ARHGAP28: variants seen among roughly 807,000 people sequenced by gnomAD.
ARHGAP28 encodes the protein Rho GTPase activating protein 28.
In ARHGAP28, 56 loss-of-function variants were observed where a neutral mutation model predicts 90.7. The observed-to-expected ratio is 0.62, with a 90% confidence interval of 0.50 to 0.77. ARHGAP28 has a LOEUF of 0.77. Ranked by LOEUF, ARHGAP28 falls within the 30% of genes least tolerant of loss-of-function variation. ARHGAP28 has a pLI of 0.00. For missense variants in ARHGAP28, 869 were observed against 900.9 expected, an observed-to-expected ratio of 0.96 and a Z score of 0.45; for synonymous variants, 308 against 323.3, an observed-to-expected ratio of 0.95 and a Z score of 0.51.
chr18:6,881,176 A>G (rs2057175022), intron 10 of ARHGAP28, among the ~76,000 whole-genome samples: 1 of 152,224 alleles, frequency 6.6e-6, no homozygotes, highest in African/African-American at 2.4e-5. Context: ...TGGCTGGTTA[A>G]TGAGCTAATC....
intron 3 of ARHGAP28, among the ~76,000 whole-genome samples, chr18:6,846,690 C>A (rs2056868601): frequency 6.6e-6 from 1 of 152,162 alleles, no homozygotes; most frequent in Non-Finnish European, 1.5e-5. Flanking sequence ...CAGCGTCTCA[C>A]CCCTCAGCCA....
At chr18:6,803,871 C>T (rs562595102) in intron 1 of ARHGAP28, among the ~76,000 whole-genome samples, 39 of 152,200 alleles carry the variant, frequency 2.6e-4, no homozygotes, top group Middle Eastern at 3.4e-3. Flanking sequence ...CCCCGCCTCC[C>T]GGGTTCACGC....
intron 1 of ARHGAP28, among the ~76,000 whole-genome samples, chr18:6,816,661 C>T (rs924454577): frequency 7.9e-5 from 12 of 152,178 alleles, no homozygotes; most frequent in African/African-American, 2.9e-4. Context: ...AGTTTGAGAG[C>T]AACGTGAAGA....
In ARHGAP28 at chr18:6,771,921, C is replaced by T. The variant is rs562256263; in HGVS notation, c.122+41978C>T. Among the ~76,000 whole-genome samples the T allele has an allele frequency of 4.6e-5, 7 of 152,248 alleles. No individual in the cohort carries two copies. The South Asian group carries it at 1.5e-3, about 32-fold the overall frequency. ...GAGGAAACATACAAATGATAAAATT[C>T]AAAGTAGTAGATACCTCAGATACCC... On this transcript the variant is annotated intron_variant, in intron 1 of 17. Coordinates refer to ENST00000383472, the MANE Select transcript of ARHGAP28 (RefSeq NM_001366230.1).
intron 5 of ARHGAP28, among the ~76,000 whole-genome samples, chr18:6,864,645 C>G (rs557544781): frequency 6.6e-6 from 1 of 151,736 alleles, no homozygotes; most frequent in Non-Finnish European, 1.5e-5. Flanking sequence ...AATAGTTGCC[C>G]GTATCAGCAA....
intron 3 of ARHGAP28, among the ~76,000 whole-genome samples, chr18:6,840,156 T>C (rs1254787146): frequency 6.6e-6 from 1 of 152,092 alleles, no homozygotes; most frequent in Non-Finnish European, 1.5e-5. Flanking sequence ...TTACTGTAAA[T>C]AAAAGGAGGG....
rs189029588 is a variant in ARHGAP28, at chr18:6,736,515, G to A, written c.122+6572G>A. ...AGCACTTTGGGAGGCCGAGGTGAGC[G>A]GATCACCTGAGGTCGGGAGTTCGAG... is the stretch of plus-strand genomic sequence containing the variant. On this transcript the variant is annotated intron_variant, in intron 1 of 17. Transcript: ENST00000383472. Among the ~76,000 whole-genome samples, 881 of 151,756 alleles carry A rather than the reference G, an allele frequency of 5.8e-3. 10 individuals are homozygous for A. Among genetic ancestry groups the A allele is most frequent in the African/African-American group, 0.02 (845 of 41,416 alleles).
chr18:6,804,131 G>A (rs1195282523), intron 1 of ARHGAP28, among the ~76,000 whole-genome samples: 1 of 152,190 alleles, frequency 6.6e-6, no homozygotes, highest in Non-Finnish European at 1.5e-5. Context: ...TAGATAAAGG[G>A]CTATTCAGGT....
At position 6,896,387 on chromosome 18, in the gene ARHGAP28, A is replaced by G. The variant is rs1600299594; in HGVS notation, c.1906-115A>G. 4.2e-6 allele frequency: 5 copies of G among 1,180,414 alleles called. No individual in the cohort carries two copies. In the East Asian group the frequency reaches 9.5e-5, roughly 22 times the overall value. 73.1% of individuals were successfully genotyped at this position (1,180,414 alleles called of 1,614,324 possible). ...TTCCATTCTGGTTAATGTTGATCAT[A>G]GTGATGTGTTTTCCTAATTCAGAGT... On this transcript the variant is annotated intron_variant, in intron 15 of 17. Coordinates refer to ENST00000383472, the MANE Select transcript of ARHGAP28 (RefSeq NM_001366230.1).
chr18:6,766,531 G>A (rs1274089238), intron 1 of ARHGAP28, among the ~76,000 whole-genome samples: 1 of 152,114 alleles, frequency 6.6e-6, no homozygotes, highest in Non-Finnish European at 1.5e-5. Context: ...GCCCATGACT[G>A]AGCACAGCGT....
chr18:6,812,163 C>T (rs890302782), intron 1 of ARHGAP28, among the ~76,000 whole-genome samples: 2 of 152,108 alleles, frequency 1.3e-5, no homozygotes, highest in Non-Finnish European at 2.9e-5. Flanking sequence ...TTGTTTTACA[C>T]CTCTACTGAA....
At chr18:6,744,255 A>C (rs1600145206) in intron 1 of ARHGAP28, among the ~76,000 whole-genome samples, 1 of 152,136 alleles carries the variant, frequency 6.6e-6, no homozygotes, top group East Asian at 1.9e-4. Flanking sequence ...GCAGCATGTA[A>C]CCACAGATGC....
rs184391808 is a variant in ARHGAP28, at chr18:6,839,569, T to C, written c.543+2155T>C. On this transcript the variant is annotated intron_variant, in intron 3 of 17. Coordinates refer to ENST00000383472, the MANE Select transcript of ARHGAP28 (RefSeq NM_001366230.1). ...GCCTCGGCCTCCCAAAGTGCTGGGA[T>C]TACAGGCGTGAGCCACTGCGCCCGG... 8.9e-4 allele frequency among the ~76,000 whole-genome samples: 135 copies of C among 152,300 alleles called. No homozygotes were observed. The East Asian group carries it at 0.024, about 27-fold the overall frequency.
At chr18:6,841,180 C>CTCCTCTCTCTCTCTCTCTCTCT (rs1491103592) in intron 3 of ARHGAP28, among the ~76,000 whole-genome samples, 2 of 57,064 alleles carry the variant, frequency 3.5e-5, no homozygotes, top group Non-Finnish European at 6.3e-5. Flanking sequence ...CTCTCTCTCT[C>CTCCTCTCTCTCTCTCTCTCTCT]CTCTCTCTCT....
intron 3 of ARHGAP28, among the ~76,000 whole-genome samples, chr18:6,850,092 T>C (rs2056897989): frequency 6.6e-6 from 1 of 152,194 alleles, no homozygotes; most frequent in Non-Finnish European, 1.5e-5. Flanking sequence ...TAATTATAAC[T>C]TGGCCCCTGT....
rs540505803 is a variant in ARHGAP28, at chr18:6,755,462, G to A, written c.122+25519G>A. 4.4e-4 allele frequency among the ~76,000 whole-genome samples: 67 copies of A among 152,324 alleles called. 2 individuals carry two copies. In the South Asian group the frequency reaches 0.013, roughly 31 times the overall value. ...AAGGCAGGAAGAGGCAGAAAAAGGA[G>A]AAACGGGGAAAAGCATTGTCAAGCT... On this transcript the variant is annotated intron_variant, in intron 1 of 17. Transcript: ENST00000383472.
chr18:6,816,083 T>A (rs1269050751), intron 1 of ARHGAP28, among the ~76,000 whole-genome samples: 2 of 152,190 alleles, frequency 1.3e-5, no homozygotes, highest in Non-Finnish European at 2.9e-5. Flanking sequence ...TTCGCTTTCT[T>A]CTTTTCCTCT....
chr18:6,908,836 C>G (rs1337670146), intron 16 of ARHGAP28, 124 bp from the exon 17 acceptor site: 1 of 656,952 alleles, frequency 1.5e-6, no homozygotes, highest in African/African-American at 1.9e-5. Context: ...AGTCATGATA[C>G]AGTTTTGTGG....
At chr18:6,837,702 C>T (rs1336435507) in intron 3 of ARHGAP28, among the ~76,000 whole-genome samples, 1 of 151,926 alleles carries the variant, frequency 6.6e-6, no homozygotes, top group Admixed American at 6.6e-5. Context: ...GGGTAGGATC[C>T]GGGGACCCTT....
Sources: gnomAD v4.1 joint callset for allele counts (sites outside exome capture counted in the v4.1 genomes callset) on GRCh38, gnomAD v4.1.1 for gene constraint, MANE v1.5 for transcripts, NCBI Gene and HGNC (gene_info 2026-07-23, HGNC 2026-07-21) for gene names.